The following GATA3 variants were observed in gnomAD, a reference collection of about 807,000 sequenced individuals.
The protein encoded by GATA3 is trans-acting T-cell-specific transcription factor GATA-3.
A neutral mutation model predicts 36.0 loss-of-function variants in GATA3; 6 were observed. The observed-to-expected ratio is 0.17, with a 90% CI of 0.09 to 0.33. The LOEUF (loss-of-function observed/expected upper bound fraction) is 0.33, where lower values mean the gene tolerates loss of function less well. GATA3 is among the 10% of genes least tolerant of loss of function. The pLI is 1.00. For synonymous variants in GATA3, 326 were observed against 273.0 expected (o/e 1.19, Z -1.92); for missense variants, 514 against 610.1 (o/e 0.84, Z 1.66).
rs949562788 is a variant in GATA3 at position 8,068,285 on chromosome 10, G to A, written c.925-1188G>A. On this transcript the variant is annotated intron_variant, in intron 4 of 5. Coordinates refer to ENST00000379328, the MANE Select transcript of GATA3 (RefSeq NM_001002295.2). ...TATGCTACTCCATGAACAGCAAGTA[G>A]GAAATGGCTGATTTCATGAAGGTGG... 2.0e-5 allele frequency among the ~76,000 whole-genome samples: 3 copies of A among 152,182 alleles called. No homozygotes were observed. In the East Asian group the frequency reaches 5.8e-4, roughly 29 times the overall value.
intron 5 of GATA3, among the ~76,000 whole-genome samples, chr10:8,072,411 C>T (rs990118221): frequency 2.6e-5 from 4 of 152,124 alleles, no homozygotes; most frequent in Admixed American, 6.5e-5. Context: ...TGTTTGCCAC[C>T]CTCCCCTGGG....
At chr10:8,060,948 G>A (rs940246777) in intron 3 of GATA3, among the ~76,000 whole-genome samples, 3 of 152,106 alleles carry the variant, frequency 2.0e-5, no homozygotes, top group Non-Finnish European at 4.4e-5. Context: ...TGGCAGGGGC[G>A]GCGAGCGAGC....
rs5783010 is a variant in GATA3 at position 8,069,887 on chromosome 10, GAA to G, written c.1050+300_1050+301del. On this transcript the variant is annotated intron_variant, in intron 5 of 5. Coordinates refer to ENST00000379328, the MANE Select transcript of GATA3 (RefSeq NM_001002295.2). Reference sequence around the variant, plus strand: ...TGAGTGGGCCTGTGTGGTTTATAAGGAAAAAAAAAAAATCTTCCTTTTGGAAA... The same window carrying G: ...TGAGTGGGCCTGTGTGGTTTATAAGGAAAAAAAAAATCTTCCTTTTGGAAA... Among the ~76,000 whole-genome samples, 797 of 146,900 alleles carry G rather than the reference GAA, an allele frequency of 5.4e-3. 8 individuals carry two copies. Among genetic ancestry groups the G allele is most frequent in the African/African-American group, 0.018 (718 of 40,522 alleles).
chr10:8,051,263 G>A (rs1169285981), upstream of GATA3: 1 of 387,004 alleles, frequency 2.6e-6, no homozygotes, highest in South Asian at 2.0e-5. Context: ...TTCCCAAGAG[G>A]ACACACATAC....
chr10:8,053,859 G>A (rs1832563629), upstream of GATA3: 1 of 152,248 alleles, frequency 6.6e-6, no homozygotes, highest in South Asian at 2.1e-4. This position sits in a 1 kb window ranked among gnomAD's most constrained non-coding sequence, Gnocchi z 5.1. Flanking sequence ...CGTCTACACT[G>A]AGCGTACTCG....
At chr10:8,061,493 G>T (rs1302315551) in intron 3 of GATA3, among the ~76,000 whole-genome samples, 1 of 152,278 alleles carries the variant, frequency 6.6e-6, no homozygotes, top group African/African-American at 2.4e-5. Flanking sequence ...GTGTCTGCCT[G>T]AGCAGCTCAC....
At chr10:8,060,875 G>T (rs543092706) in intron 3 of GATA3, among the ~76,000 whole-genome samples, 3 of 152,204 alleles carry the variant, frequency 2.0e-5, no homozygotes, top group African/African-American at 7.2e-5. Flanking sequence ...TTTCAATTTG[G>T]CCTTTTTACT....
intron 5 of GATA3, among the ~76,000 whole-genome samples, chr10:8,071,694 C>T (rs1218356015): frequency 6.6e-6 from 1 of 152,100 alleles, no homozygotes; most frequent in African/African-American, 2.4e-5. Flanking sequence ...TAAAAGGAGG[C>T]GATTGATGTG....
At chr10:8,048,652 G>A (rs1165692608), upstream of GATA3, among the ~76,000 whole-genome samples, 1 of 152,166 alleles carries the variant, frequency 6.6e-6, no homozygotes, top group Non-Finnish European at 1.5e-5. Context: ...GGAGAGAGCT[G>A]AAAAGGGCAC....
chr10:8,069,401 C>T (rs2131511097), intron 4 of GATA3, 72 bp from the exon 5 acceptor site: 1 of 1,403,488 alleles, frequency 7.1e-7, no homozygotes. Context: ...TTTTTCAAGC[C>T]TGTCTTCATA....
Position 8,074,244 on chromosome 10 carries a change from C to A in GATA3, c.*221C>A. The A allele has an allele frequency of 1.7e-6, 1 of 578,660 alleles. No homozygotes were observed. The highest frequency in any genetic ancestry group is 3.0e-6 in the Non-Finnish European group (1 of 328,612). The allele number at this position is 578,660 out of a possible 1,614,324, so 35.8% of individuals were successfully genotyped here. A position where few individuals can be genotyped will look rare whatever the true frequency, so the allele number is the denominator to read the frequency against. ...CATCTGTGAATAAGCCATTCTGACT[C>A]ATATCCCCTATTTAACAGGGTCTCT... On this transcript the variant is annotated 3_prime_UTR_variant, in exon 6 of 6. Coordinates refer to ENST00000379328, the MANE Select transcript of GATA3 (RefSeq NM_001002295.2).
At chr10:8,051,397 G>A (rs923986600), upstream of GATA3, 1 of 227,686 alleles carries the variant, frequency 4.4e-6, no homozygotes, top group Non-Finnish European at 9.2e-6. Context: ...TGGCCGCGCC[G>A]TCGCCTGCTC....
At chr10:8,049,581 C>T (rs146043006), upstream of GATA3, among the ~76,000 whole-genome samples, 4,235 of 152,220 alleles carry the variant, frequency 0.028, 202 homozygotes, top group African/African-American at 0.098. Flanking sequence ...CCCGCGCAGC[C>T]GGGGCCAGCG....
intron 4 of GATA3, among the ~76,000 whole-genome samples, chr10:8,067,766 C>G (rs536228973): frequency 1.3e-5 from 2 of 152,092 alleles, no homozygotes; most frequent in East Asian, 1.9e-4. Context: ...TGCAGTGAGC[C>G]GAGATCGCGC....
chr10:8,048,650 C>A (rs764898590), upstream of GATA3, among the ~76,000 whole-genome samples: 1 of 152,184 alleles, frequency 6.6e-6, no homozygotes, highest in Non-Finnish European at 1.5e-5. Context: ...AGGGAGAGAG[C>A]TGAAAAGGGC....
Position 8,073,993 on chromosome 10 carries a change from C to G in GATA3, c.1305C>G (p.His435Gln), listed in dbSNP as rs2131522913. The G allele has an allele frequency of 6.2e-7, 1 of 1,614,176 alleles. No homozygotes were observed. ...CCAGCCTGTCCTTTGGACCACACCA[C>G]CCCTCCAGCATGGTCACCGCCATGG... Reference protein sequence around the residue: ...PPSSLSFGPHHPSSMVTAMG With the variant: ...PPSSLSFGPHQPSSMVTAMG Residue 435 changes from histidine to glutamine, a missense_variant, in exon 6 of 6, where the codon CAC (histidine) becomes CAG (glutamine). This residue lies in a region of GATA3 where 89 missense variants were observed against 104.2 expected (regional missense o/e 0.85). Transcript: ENST00000379328.
chr10:8,051,386 G>T (rs1306283404), upstream of GATA3: 1 of 239,836 alleles, frequency 4.2e-6, no homozygotes, highest in African/African-American at 2.4e-5. Context: ...TCTCTAGGCG[G>T]TGGCCGCGCC....
rs1343882720 is a variant in GATA3 at position 8,055,885 on chromosome 10, C to A, written c.230C>A (p.Pro77Gln). ...SVRATVQRYPPTHHGSQVCRP... is the reference protein window; with the variant it reads ...SVRATVQRYPQTHHGSQVCRP... ...AGGGCCACGGTGCAGAGGTACCCTCCGACCCACCACGGTGAGTGCGCCCGG... is the reference window on the plus strand; with the variant it reads ...AGGGCCACGGTGCAGAGGTACCCTCAGACCCACCACGGTGAGTGCGCCCGG... Residue 77 changes from proline to glutamine, a missense_variant, in exon 2 of 6, where the codon CCG (proline) becomes CAG (glutamine). Around this residue, in one of 3 missense-constraint regions of GATA3, gnomAD observed 381 missense variants for 354.3 expected, o/e 1.08. Transcript: ENST00000379328. This position sits in a 1 kb window ranked among gnomAD's most constrained non-coding sequence, Gnocchi z 5.4. 1.3e-6 allele frequency: 2 copies of A among 1,560,190 alleles called. No homozygotes were observed. The highest frequency in any genetic ancestry group is 1.7e-6 in the Non-Finnish European group (2 of 1,152,242).
At position 8,055,595 on chromosome 10, in the gene GATA3, G is replaced by A. The variant is rs1321753490; in HGVS notation, c.-61G>A. 4.6e-5 allele frequency: 70 copies of A among 1,526,944 alleles called. No homozygotes were observed. The highest frequency in any genetic ancestry group is 5.8e-5 in the Non-Finnish European group (66 of 1,142,140). 94.6% of individuals were successfully genotyped at this position (1,526,944 alleles called of 1,614,324 possible). A position where few individuals can be genotyped will look rare whatever the true frequency, so the allele number is the denominator to read the frequency against. On this transcript the variant is annotated 5_prime_UTR_variant, in exon 2 of 6. Transcript: ENST00000379328. The surrounding 1 kb of genome is among the most constrained non-coding windows in gnomAD (Gnocchi z 5.4). The stretch of plus-strand genomic sequence containing the variant: ...AGCCCCCCGACCTCCCAGGCGGACC[G>A]CCCTCCCTCCCCGCGCGCGGGTTCC...
Sources: gnomAD v4.1 joint callset for allele counts (sites outside exome capture counted in the v4.1 genomes callset) on GRCh38, gnomAD v4.1.1 for gene constraint, gnomAD v4.1.1 regional missense constraint, Gnocchi (gnomAD v3.1) non-coding constraint, MANE v1.5 for transcripts, NCBI Gene and HGNC (gene_info 2026-07-23, HGNC 2026-07-21) for gene names.